The following HDAC9 variants were observed in gnomAD, a reference collection of about 807,000 sequenced individuals.
HDAC9 encodes the protein MEF-2 interacting transcription repressor (MITR) protein.
A neutral mutation model predicts 139.4 loss-of-function variants in HDAC9; 41 were observed. That is an observed-to-expected ratio of 0.29 (90% CI 0.23 to 0.38). The LOEUF (loss-of-function observed/expected upper bound fraction) is 0.38, where lower values mean the gene tolerates loss of function less well. HDAC9 is among the 10% of genes least tolerant of loss of function. The probability of loss-of-function intolerance (pLI) is 1.00; values close to 1 mark genes in which losing one functional copy is unlikely to be tolerated. For missense variants in HDAC9, 1,147 were observed against 1,297.0 expected (o/e 0.88, Z 1.78); for synonymous variants, 517 against 476.2 (o/e 1.09, Z -1.12).
chr7:18,873,721 G>C (rs1422691179), intron 21 of HDAC9, among the ~76,000 whole-genome samples: 1 of 152,116 alleles, frequency 6.6e-6, no homozygotes, highest in Non-Finnish European at 1.5e-5. Flanking sequence ...TGGTCTTCAA[G>C]CCTATGTTAA....
intron 1 of HDAC9, among the ~76,000 whole-genome samples, chr7:18,470,403 T>A (rs1357515877): frequency 6.6e-6 from 1 of 152,184 alleles, no homozygotes. Context: ...TATTTCCTTG[T>A]GTTTATTTCC....
chr7:18,540,676 A>T (rs1366367223), intron 2 of HDAC9, among the ~76,000 whole-genome samples: 1 of 152,230 alleles, frequency 6.6e-6, no homozygotes, highest in Non-Finnish European at 1.5e-5. Flanking sequence ...GACTTAAGAC[A>T]GCCTTGGATG....
intron 21 of HDAC9, among the ~76,000 whole-genome samples, chr7:18,840,209 A>G (rs1796498998): frequency 6.6e-6 from 1 of 152,094 alleles, no homozygotes; most frequent in Admixed American, 6.6e-5. Flanking sequence ...AGCTAAAGAA[A>G]GGTCATAGAG....
chr7:18,152,903 G>A (rs939812365), intron 1 of HDAC9, among the ~76,000 whole-genome samples: 1 of 152,190 alleles, frequency 6.6e-6, no homozygotes, highest in Non-Finnish European at 1.5e-5. Context: ...GGTGTATTCT[G>A]GAAATTTAGG....
intron 1 of HDAC9, among the ~76,000 whole-genome samples, chr7:18,428,795 T>A (rs1239049021): frequency 1.3e-5 from 2 of 152,072 alleles, no homozygotes; most frequent in Admixed American, 6.6e-5. Context: ...CCCACCAGAA[T>A]CTGTGGCTCC....
intron 25 of HDAC9, among the ~76,000 whole-genome samples, chr7:18,976,642 T>C (rs1468558491): frequency 1.3e-5 from 2 of 152,228 alleles, no homozygotes; most frequent in Non-Finnish European, 2.9e-5. Context: ...TTTTAAGGAA[T>C]GTTTGTCAGT....
intron 2 of HDAC9, among the ~76,000 whole-genome samples, chr7:18,198,263 G>A (rs1790862240): frequency 6.6e-6 from 1 of 151,842 alleles, no homozygotes; most frequent in African/African-American, 2.4e-5. Context: ...TCTTAATACA[G>A]GACCTAACCC....
At chr7:18,518,920 G>A (rs940220780) in intron 2 of HDAC9, among the ~76,000 whole-genome samples, 2 of 152,178 alleles carry the variant, frequency 1.3e-5, no homozygotes, top group South Asian at 2.1e-4. Context: ...GAAATCAAAC[G>A]TGTATGAAGC....
At chr7:18,289,516 C>A (rs1422192129), upstream of HDAC9, among the ~76,000 whole-genome samples, 2 of 152,090 alleles carry the variant, frequency 1.3e-5, no homozygotes, top group Non-Finnish European at 2.9e-5. Context: ...TTTGAAGAAA[C>A]ATTTTCCTAG....
chr7:18,208,312 A>T, intron 2 of HDAC9, among the ~76,000 whole-genome samples: 1 of 151,892 alleles, frequency 6.6e-6, no homozygotes, highest in East Asian at 1.9e-4. Context: ...CCCTAATCTG[A>T]AGCCAATTTT....
chr7:18,420,706 C>A (rs1275318232), intron 1 of HDAC9, among the ~76,000 whole-genome samples: 1 of 152,246 alleles, frequency 6.6e-6, no homozygotes, highest in East Asian at 1.9e-4. Context: ...TATCCCTGAT[C>A]TTACAGAACT....
chr7:18,936,375 A>G (rs1205531606), intron 23 of HDAC9, among the ~76,000 whole-genome samples: 1 of 152,258 alleles, frequency 6.6e-6, no homozygotes, highest in African/African-American at 2.4e-5. Flanking sequence ...TCCATCTTAC[A>G]GATGGTGAGA....
intron 22 of HDAC9, among the ~76,000 whole-genome samples, chr7:18,907,245 A>G (rs1802342759): frequency 6.6e-6 from 1 of 152,204 alleles, no homozygotes; most frequent in Admixed American, 6.5e-5. Flanking sequence ...AATGTAGAAG[A>G]GAAGGGAGAG....
At chr7:18,292,433 C>T (rs1446189337) in intron 1 of HDAC9, among the ~76,000 whole-genome samples, 1 of 152,046 alleles carries the variant, frequency 6.6e-6, no homozygotes, top group Non-Finnish European at 1.5e-5. Flanking sequence ...CGTCAGTATT[C>T]CTATAAAGCA....
intron 17 of HDAC9, among the ~76,000 whole-genome samples, chr7:18,804,985 G>A (rs1793592090): frequency 6.6e-6 from 1 of 152,098 alleles, no homozygotes; most frequent in Non-Finnish European, 1.5e-5. Context: ...TTGAAGAGAT[G>A]GTGTTTTGCC....
chr7:18,530,706 G>C (rs1808623730), intron 2 of HDAC9, among the ~76,000 whole-genome samples: 1 of 151,634 alleles, frequency 6.6e-6, no homozygotes, highest in Non-Finnish European at 1.5e-5. Flanking sequence ...AGCTTCCTGA[G>C]GGATTTCCCC....
At chr7:18,337,933 T>G (rs1444362177) in intron 1 of HDAC9, among the ~76,000 whole-genome samples, 2 of 151,750 alleles carry the variant, frequency 1.3e-5, no homozygotes, top group African/African-American at 4.8e-5. Context: ...AATGTAACAT[T>G]ATCCTTCTCT....
chr7:18,434,199 C>A (rs573029237), intron 1 of HDAC9, among the ~76,000 whole-genome samples: 1 of 152,274 alleles, frequency 6.6e-6, no homozygotes, highest in Admixed American at 6.5e-5. Context: ...ACTGGAGGAA[C>A]TAGCTATCCG....
At chr7:18,966,710 A>G (rs1783878877) in intron 24 of HDAC9, among the ~76,000 whole-genome samples, 2 of 119,194 alleles carry the variant, frequency 1.7e-5, no homozygotes, top group East Asian at 3.0e-4. Context: ...CAAAAAAACA[A>G]ACAGACCAAA....
Sources: gnomAD v4.1 joint callset for allele counts (sites outside exome capture counted in the v4.1 genomes callset) on GRCh38, gnomAD v4.1.1 for gene constraint, MANE v1.5 for transcripts, NCBI Gene and HGNC (gene_info 2026-07-23, HGNC 2026-07-21) for gene names.